COG6: variants seen among roughly 807,000 people sequenced by gnomAD.
COG6 encodes component of oligomeric golgi complex 6, also known as conserved oligomeric Golgi complex subunit 6.
In COG6, 74 loss-of-function variants were observed where a neutral mutation model predicts 88.8. The observed-to-expected ratio is 0.83, with a 90% CI of 0.69 to 1.01. The LOEUF (loss-of-function observed/expected upper bound fraction) is 1.01, where lower values mean the gene tolerates loss of function less well. Ranked by LOEUF, COG6 falls within the 50% of genes least tolerant of loss-of-function variation. The probability of loss-of-function intolerance (pLI) is 0.00; values close to 1 mark genes in which losing one functional copy is unlikely to be tolerated. For missense variants in COG6, 800 were observed against 797.9 expected (o/e 1.00, Z -0.03); for synonymous variants, 286 against 278.7 (o/e 1.03, Z -0.26).
intron 18 of COG6, among the ~76,000 whole-genome samples, chr13:39,731,143 C>T (rs926438707): frequency 1.3e-5 from 2 of 152,076 alleles, no homozygotes; most frequent in Admixed American, 6.5e-5. Context: ...TTAAATTGCG[C>T]TCCTACTATC....
intron 18 of COG6, among the ~76,000 whole-genome samples, chr13:39,744,164 A>C (rs1039513194): frequency 2.6e-5 from 4 of 152,154 alleles, no homozygotes; most frequent in Non-Finnish European, 5.9e-5. Context: ...ACAGGCAAAA[A>C]CTGGAAGCAT....
chr13:39,703,316 G>A (rs1288646844), intron 13 of COG6, among the ~76,000 whole-genome samples: 3 of 152,016 alleles, frequency 2.0e-5, no homozygotes, highest in African/African-American at 7.2e-5. Context: ...ACATTTTGTT[G>A]TTTTTCTCAT....
intron 18 of COG6, among the ~76,000 whole-genome samples, chr13:39,736,975 A>T (rs185599431): frequency 6.6e-5 from 10 of 152,268 alleles, no homozygotes; most frequent in Admixed American, 2.6e-4. Context: ...AGGCTTTCCA[A>T]GTATTCAAGG....
chr13:39,708,204 TGC>T, intron 13 of COG6, among the ~76,000 whole-genome samples: 1 of 152,208 alleles, frequency 6.6e-6, no homozygotes, highest in Non-Finnish European at 1.5e-5. Context: ...TAAAGACTGT[TGC>T]AGAGAGTCCT....
chr13:39,770,108 G>C (rs558061381), intron 18 of COG6, among the ~76,000 whole-genome samples: 7 of 152,316 alleles, frequency 4.6e-5, no homozygotes, highest in Admixed American at 4.6e-4. Context: ...ATATCGGGAA[G>C]TGAAAATATT....
At chr13:39,726,194 A>G (rs2138090137) in intron 17 of COG6, among the ~76,000 whole-genome samples, 1 of 152,090 alleles carries the variant, frequency 6.6e-6, no homozygotes, top group Admixed American at 6.6e-5. Context: ...CTAACTCTGC[A>G]CATTCCACCC....
At chr13:39,656,515 T>G (rs1196185252) in intron 1 of COG6, among the ~76,000 whole-genome samples, 1 of 151,988 alleles carries the variant, frequency 6.6e-6, no homozygotes, top group African/African-American at 2.4e-5. Flanking sequence ...TCCTGAAACT[T>G]AAGTTGGACT....
rs1880597269 is a variant in COG6 at position 39,751,057 on chromosome 13, C to T, written c.1938C>T (p.His646=). 2 of 1,613,606 alleles carry T rather than the reference C, an allele frequency of 1.2e-6. No individual in the cohort carries two copies. The highest frequency in any genetic ancestry group is 1.7e-5 in the Admixed American group (1 of 59,926). ...ACAAAGATCCAGAGAACATTCTTCA[C>T]CGATCGCCGCAGCAAGTGCAGACGC... The part of the protein sequence containing the change: ...NEYKDPENIL[H]RSPQQVQTLL... The change falls in exon 19 of 19, where the codon CAC becomes CAT. Residue 646 remains histidine (H), a synonymous_variant. Coordinates refer to ENST00000455146, the MANE Select transcript of COG6 (RefSeq NM_020751.3).
chr13:39,740,964 G>A (rs1349979471), intron 18 of COG6, among the ~76,000 whole-genome samples: 6 of 152,214 alleles, frequency 3.9e-5, no homozygotes, highest in South Asian at 2.1e-4. Flanking sequence ...TGTTGAAATA[G>A]TCTATTTCTG....
chr13:39,687,753 T>C lies in COG6; in HGVS notation c.963T>C (p.Ser321=), dbSNP rs1428426578. Reference sequence around the variant, plus strand: ...CTTGGCTCCATCAAGCTACTGCTTCTGAAAAGGAACACCTTGAAGCTCTCT... The same window carrying C: ...CTTGGCTCCATCAAGCTACTGCTTCCGAAAAGGAACACCTTGAAGCTCTCT... The part of the protein sequence containing the change: ...MLAWLHQATA[S]EKEHLEALLK... Residue 321 remains serine, a synonymous_variant, in exon 10 of 19, where the codon TCT becomes TCC. Transcript: ENST00000455146. 1 of 1,613,990 alleles carries C rather than the reference T, an allele frequency of 6.2e-7. No individual in the cohort carries two copies. Among genetic ancestry groups the C allele is most frequent in the East Asian group, 2.2e-5 (1 of 44,886 alleles).
At chr13:39,700,188 CTTCT>C (rs896566241) in intron 13 of COG6, among the ~76,000 whole-genome samples, 1 of 151,810 alleles carries the variant, frequency 6.6e-6, no homozygotes, top group African/African-American at 2.4e-5. Flanking sequence ...TGATCAAATC[CTTCT>C]TTATTTTTGT....
At chr13:39,661,182 T>C (rs1378583134) in intron 3 of COG6, among the ~76,000 whole-genome samples, 5 of 152,184 alleles carry the variant, frequency 3.3e-5, no homozygotes, top group African/African-American at 1.2e-4. Flanking sequence ...AATGATTTTT[T>C]TTAGTAAGAA....
intron 7 of COG6, among the ~76,000 whole-genome samples, chr13:39,680,934 TACA>T (rs1418476295): frequency 6.6e-6 from 1 of 152,238 alleles, no homozygotes. Flanking sequence ...TAATTTCATT[TACA>T]AAGTCCCTTT....
intron 18 of COG6, among the ~76,000 whole-genome samples, chr13:39,773,458 A>G (rs910855919): frequency 3.3e-5 from 5 of 152,206 alleles, no homozygotes; most frequent in African/African-American, 1.2e-4. Flanking sequence ...CATAATTCTC[A>G]ATTATTAGAA....
intron 2 of COG6, 128 bp from the exon 3 acceptor site, chr13:39,660,682 G>A (rs1874839789): frequency 1.5e-6 from 1 of 653,996 alleles, no homozygotes; most frequent in Non-Finnish European, 2.7e-6. Context: ...TTTTAAATAT[G>A]GGATCTCTTG....
intron 18 of COG6, among the ~76,000 whole-genome samples, chr13:39,772,172 T>C (rs1035310160): frequency 2.0e-5 from 3 of 152,222 alleles, no homozygotes; most frequent in Non-Finnish European, 4.4e-5. Context: ...TCATCTCTGC[T>C]CACATTGTTT....
intron 18 of COG6, among the ~76,000 whole-genome samples, chr13:39,727,797 T>C (rs1263954994): frequency 6.6e-6 from 1 of 152,162 alleles, no homozygotes. Context: ...TTGAATATAA[T>C]TGAAGCTATA....
chr13:39,747,889 A>G (rs1214369477), intron 18 of COG6, among the ~76,000 whole-genome samples: 1 of 152,190 alleles, frequency 6.6e-6, no homozygotes, highest in East Asian at 1.9e-4. Context: ...TACATTTACA[A>G]GTTAAATACT....
intron 18 of COG6, among the ~76,000 whole-genome samples, chr13:39,746,804 C>T (rs1880374727): frequency 1.3e-5 from 2 of 151,914 alleles, no homozygotes; most frequent in African/African-American, 4.8e-5. Context: ...AGTAAACTGG[C>T]AAGAGAATAA....
Sources: allele counts gnomAD v4.1 joint callset (sites outside exome capture counted in the v4.1 genomes callset), GRCh38; gene constraint gnomAD v4.1.1; transcripts MANE v1.5; gene names NCBI Gene and HGNC (gene_info 2026-07-23, HGNC 2026-07-21).